The following TJP1 variants were observed in gnomAD, a reference collection of about 807,000 sequenced individuals.
TJP1 encodes tight junction protein ZO-1.
In TJP1, 43 loss-of-function variants were observed where a neutral mutation model predicts 194.2. The observed-to-expected ratio is 0.22, with a 90% confidence interval of 0.17 to 0.29. The LOEUF is 0.29. TJP1 is among the 10% of genes least tolerant of loss of function. The probability of loss-of-function intolerance (pLI) is 1.00; values close to 1 mark genes in which losing one functional copy is unlikely to be tolerated. For missense variants in TJP1, 1,971 were observed against 2,185.7 expected (o/e 0.90, Z 1.96); for synonymous variants, 801 against 779.0 (o/e 1.03, Z -0.47).
At chr15:29,792,056 T>G (rs1285085224) in intron 2 of TJP1, among the ~76,000 whole-genome samples, 1 of 151,112 alleles carries the variant, frequency 6.6e-6, no homozygotes, top group Non-Finnish European at 1.5e-5. Flanking sequence ...CTGCAAATAT[T>G]TTCTTCATTC....
At chr15:29,741,803 C>T (rs984960822) in intron 9 of TJP1, among the ~76,000 whole-genome samples, 2 of 152,142 alleles carry the variant, frequency 1.3e-5, no homozygotes, top group African/African-American at 2.4e-5. Context: ...TGCCACTCAG[C>T]AAGCAGAGCA....
intron 8 of TJP1, among the ~76,000 whole-genome samples, chr15:29,745,898 T>G (rs1299937797): frequency 6.6e-6 from 1 of 152,204 alleles, no homozygotes; most frequent in African/African-American, 2.4e-5. Flanking sequence ...ACCCTATATA[T>G]GATACCAAAT....
At chr15:29,744,315 T>G (rs970418092) in intron 8 of TJP1, among the ~76,000 whole-genome samples, 2 of 152,168 alleles carry the variant, frequency 1.3e-5, no homozygotes, top group African/African-American at 4.8e-5. Flanking sequence ...ATGGAAATTA[T>G]CAAAACAAAA....
In TJP1 at chr15:29,742,667, A is replaced by G. The variant is rs749402638; in HGVS notation, c.1125T>C (p.Asn375=). ...CTGGAAGAGAAGGTGTTTGTTTCTC[A>G]TTTCTTTCAACTGTAACTTCTTCCA... ...KTVEEVTVER[N]EKQTPSLPEP... is the part of the protein sequence containing the mutation. Residue 375 remains asparagine, a synonymous_variant, in exon 9 of 28, where the codon AAT becomes AAC. Transcript: ENST00000614355. The G allele has an allele frequency of 6.3e-7, 1 of 1,582,916 alleles. No individual in the cohort carries two copies. Among genetic ancestry groups the G allele is most frequent in the Non-Finnish European group, 8.6e-7 (1 of 1,166,772 alleles).
At chr15:29,819,552 G>T (rs1441426280) in intron 1 of TJP1, among the ~76,000 whole-genome samples, 1 of 152,148 alleles carries the variant, frequency 6.6e-6, no homozygotes, top group African/African-American at 2.4e-5. Flanking sequence ...GAACTGACGG[G>T]CTGCTTTAAA....
At chr15:29,860,978 T>A (rs1197513849) in intron 2 of TJP1, among the ~76,000 whole-genome samples, 1 of 152,222 alleles carries the variant, frequency 6.6e-6, no homozygotes, top group African/African-American at 2.4e-5. Context: ...TTATATAGAC[T>A]GAGAAACGAA....
intron 2 of TJP1, among the ~76,000 whole-genome samples, chr15:29,831,762 GGA>G (rs1282829643): frequency 6.6e-6 from 1 of 152,136 alleles, no homozygotes; most frequent in East Asian, 1.9e-4. Flanking sequence ...CCCCTTTTTA[GGA>G]GATACATGTT....
At chr15:29,728,194 T>C in intron 15 of TJP1, 175 bp from the exon 16 acceptor site, 2 of 449,300 alleles carry the variant, frequency 4.5e-6, no homozygotes, top group East Asian at 6.8e-5. Flanking sequence ...CCTTTTTTTT[T>C]TTCACTATTT....
chr15:29,808,739 T>C (rs1485810699), intron 1 of TJP1, among the ~76,000 whole-genome samples: 1 of 152,196 alleles, frequency 6.6e-6, no homozygotes, highest in Admixed American at 6.5e-5. Context: ...AGTTTCTTTT[T>C]TTAGAAGCAC....
intron 26 of TJP1, 49 bp downstream of exon 26, chr15:29,705,479 G>A: frequency 6.3e-7 from 1 of 1,579,168 alleles, no homozygotes. Flanking sequence ...AGTGCACACA[G>A]GGCAACTCTT....
In TJP1 at chr15:29,822,106, C is replaced by T; in HGVS notation, c.-78G>A. 1 of 1,231,384 alleles carries T rather than the reference C, an allele frequency of 8.1e-7. No individual in the cohort carries two copies. The highest frequency in any genetic ancestry group is 1.0e-6 in the Non-Finnish European group (1 of 985,040). 76.3% of individuals were successfully genotyped at this position (1,231,384 alleles called of 1,614,324 possible). On this transcript the variant is annotated 5_prime_UTR_variant, in exon 1 of 28. In the 5' UTR this introduces an upstream ATG that the reference lacks. Transcript: ENST00000614355. ...GCTGGCCCGCCCGCTCCTCACGCCA[C>T]AGCCCAAATAAACATCTCCCGAGAG...
chr15:29,875,554 T>C (rs2052667521), intron 2 of TJP1, among the ~76,000 whole-genome samples: 1 of 152,074 alleles, frequency 6.6e-6, no homozygotes, highest in Admixed American at 6.6e-5. Context: ...GGGTTTTGGT[T>C]CTTCATATTT....
At chr15:29,841,560 C>T (rs189891372) in intron 2 of TJP1, among the ~76,000 whole-genome samples, 150 of 152,214 alleles carry the variant, frequency 9.9e-4, no homozygotes, top group Middle Eastern at 3.4e-3. Flanking sequence ...TTTCTCTGCC[C>T]TCAATTAGTC....
At chr15:29,869,953 CCCA>C (rs1293266190) in intron 2 of TJP1, among the ~76,000 whole-genome samples, 1 of 151,608 alleles carries the variant, frequency 6.6e-6, no homozygotes, top group Non-Finnish European at 1.5e-5. Flanking sequence ...ATTATAAGTG[CCCA>C]CCACCACGTC....
At chr15:29,938,952 A>G (rs2054974604) in intron 2 of TJP1, among the ~76,000 whole-genome samples, 1 of 152,198 alleles carries the variant, frequency 6.6e-6, no homozygotes, top group Non-Finnish European at 1.5e-5. Flanking sequence ...GGCATAAGGG[A>G]GAAGGTTCAT....
intron 2 of TJP1, among the ~76,000 whole-genome samples, chr15:29,932,155 G>A (rs2054738116): frequency 6.6e-6 from 1 of 152,194 alleles, no homozygotes; most frequent in African/African-American, 2.4e-5. Context: ...ATGCAGCCCA[G>A]TAAATCTCAG....
intron 10 of TJP1, among the ~76,000 whole-genome samples, chr15:29,738,186 G>A (rs1378721461): frequency 1.3e-5 from 2 of 152,104 alleles, no homozygotes; most frequent in Admixed American, 6.6e-5. Context: ...GAAACAGACT[G>A]TAATTAAAAA....
chr15:29,812,371 G>C (rs1322597080), intron 1 of TJP1, among the ~76,000 whole-genome samples: 2 of 152,170 alleles, frequency 1.3e-5, no homozygotes, highest in African/African-American at 4.8e-5. Context: ...AAGTCAACTA[G>C]CAAGACTTAA....
intron 1 of TJP1, among the ~76,000 whole-genome samples, chr15:29,819,721 A>G (rs1268879276): frequency 2.6e-5 from 4 of 152,244 alleles, no homozygotes; most frequent in African/African-American, 9.6e-5. Context: ...ATTCTACAAC[A>G]GTGACTGTCT....
Sources: allele counts gnomAD v4.1 joint callset (sites outside exome capture counted in the v4.1 genomes callset), GRCh38; gene constraint gnomAD v4.1.1; transcripts MANE v1.5; gene names NCBI Gene and HGNC (gene_info 2026-07-23, HGNC 2026-07-21).